Variants in MICALL2 observed in about 807,000 individuals in gnomAD.
MICALL2 encodes MICAL-like protein 2.
In MICALL2, 111 loss-of-function variants were observed where a neutral mutation model predicts 91.1. The observed-to-expected ratio is 1.22, with a 90% CI of 1.04 to 1.43. MICALL2 has a LOEUF of 1.43. Among genes scored for constraint, MICALL2 ranks in the 40% most tolerant of loss-of-function variants. The pLI is 0.00. For synonymous variants in MICALL2, 694 were observed against 525.3 expected (o/e 1.32, Z -4.39); for missense variants, 1,556 against 1,236.0 (o/e 1.26, Z -3.88).
At chr7:1,438,599 T>A in intron 10 of MICALL2, 1 of 1,420,408 alleles carries the variant, frequency 7.0e-7, no homozygotes, top group African/African-American at 1.4e-5. Flanking sequence ...CCCCAGTCCC[T>A]CAAGCTGCCA....
Position 1,438,347 on chromosome 7 carries a change from G to A in MICALL2, c.2129C>T (p.Pro710Leu), listed in dbSNP as rs139876671. ...AGCAGGGACATTGGCCGGGGACAAG[G>A]GTCTCCCTGGAGAAGGAGCAGGGTG... is the stretch of plus-strand genomic sequence containing the variant. ...KPHLQGKPGRPLSPANVPALP... is the reference protein window; with the variant it reads ...KPHLQGKPGRLLSPANVPALP... Residue 710 changes from proline to leucine, a missense_variant, in exon 11 of 17, where the codon CCC becomes CTC. Coordinates refer to ENST00000297508, the MANE Select transcript of MICALL2 (RefSeq NM_182924.4). 3.2e-5 allele frequency: 52 copies of A among 1,602,062 alleles called. No homozygotes were observed. Among genetic ancestry groups the A allele is most frequent in the Middle Eastern group, 2.0e-4 (1 of 4,936 alleles).
intron 15 of MICALL2, among the ~76,000 whole-genome samples, 161 bp from the exon 16 acceptor site, chr7:1,435,308 C>G (rs1340333312): frequency 6.6e-6 from 1 of 152,244 alleles, no homozygotes; most frequent in African/African-American, 2.4e-5. Context: ...GAACCCTGCC[C>G]CCACCAATGC....
At chr7:1,456,725 G>A (rs979207226) in intron 1 of MICALL2, among the ~76,000 whole-genome samples, 7 of 151,276 alleles carry the variant, frequency 4.6e-5, no homozygotes, top group Non-Finnish European at 8.8e-5. Context: ...GAGCTAAGAC[G>A]GTGCCACTGC....
At chr7:1,450,442 G>C (rs1722187623) in intron 1 of MICALL2, 154 bp from the exon 2 acceptor site, 1 of 675,790 alleles carries the variant, frequency 1.5e-6, no homozygotes, top group South Asian at 1.7e-5. Flanking sequence ...GGTGGGCAGA[G>C]GCCAGGGCTC....
At chr7:1,447,465 C>T (rs1298602558) in intron 4 of MICALL2, 110 bp downstream of exon 4, 6 of 667,694 alleles carry the variant, frequency 9.0e-6, no homozygotes, top group Non-Finnish European at 1.5e-5. Flanking sequence ...GGGAGCCGCA[C>T]CCCACTCTGG....
intron 3 of MICALL2, 90 bp downstream of exon 3, chr7:1,448,530 A>C: frequency 1.5e-6 from 2 of 1,308,838 alleles, no homozygotes; most frequent in Non-Finnish European, 2.2e-6. Flanking sequence ...GGGGCTGGGC[A>C]TGGACCCCAA....
chr7:1,439,229 A>G (rs1780140173), intron 9 of MICALL2: 1 of 524,042 alleles, frequency 1.9e-6, no homozygotes, highest in Non-Finnish European at 3.4e-6. Flanking sequence ...GTCACACAGG[A>G]AGTGGCACGA....
In MICALL2 at chr7:1,442,242, G is replaced by A. The variant is rs745944443; in HGVS notation, c.1661C>T (p.Pro554Leu). 1.4e-5 allele frequency: 22 copies of A among 1,612,688 alleles called. No homozygotes were observed. Among genetic ancestry groups the A allele is most frequent in the Middle Eastern group, 1.6e-4 (1 of 6,082 alleles). ...GVGRVGAGSR[P>L]KPEAPMAKGK... ...CTTTGCCATCGGGGCCTCTGGCTTC[G>A]GCCTGGAGCCAGCACCCACCCTGCC... Residue 554 changes from proline to leucine, a missense_variant, in exon 7 of 17, where the codon CCG becomes CTG. Transcript: ENST00000297508.
At chr7:1,434,803 AG>A in intron 16 of MICALL2, 131 bp from the exon 17 acceptor site, 1 of 1,005,850 alleles carries the variant, frequency 9.9e-7, no homozygotes, top group Non-Finnish European at 1.4e-6. Context: ...CCGAGCCTGC[AG>A]GAAGCCCTGT....
At chr7:1,438,760 AGCC>A in intron 10 of MICALL2, 77 bp downstream of exon 10, 1 of 1,518,792 alleles carries the variant, frequency 6.6e-7, no homozygotes, top group Non-Finnish European at 8.8e-7. Context: ...CATCCTCCAA[AGCC>A]CCAGCAGGCA....
At chr7:1,436,926 C>A in intron 14 of MICALL2, 70 bp from the exon 15 acceptor site, 2 of 1,174,238 alleles carry the variant, frequency 1.7e-6, no homozygotes, top group South Asian at 1.6e-5. Context: ...ACAATGTCCC[C>A]ACCACCCAAG....
chr7:1,459,136 C>A, intron 1 of MICALL2, 48 bp downstream of exon 1: 1 of 1,566,916 alleles, frequency 6.4e-7, no homozygotes, highest in Non-Finnish European at 8.7e-7. Context: ...CCCGTGTCAG[C>A]GCGCAGCCGA....
In MICALL2 at chr7:1,442,437, T is replaced by C. The variant is rs1774683710; in HGVS notation, c.1466A>G (p.Glu489Gly). ...GGCTAAGGGACTTGCTTGTGGTGCT[T>C]CAGTTTTGGGCTGAGAACTGGGAAC... ...AAVPSSQPKT[E>G]APQASPLAKP... Residue 489 changes from glutamate (E) to glycine (G), a missense_variant, in exon 7 of 17, where the codon GAA becomes GGA. Transcript: ENST00000297508. 6.4e-7 allele frequency: 1 copy of C among 1,560,696 alleles called. No individual in the cohort carries two copies. Among genetic ancestry groups the C allele is most frequent in the African/African-American group, 1.4e-5 (1 of 73,558 alleles).
At chr7:1,454,825 G>A (rs531149643) in intron 1 of MICALL2, among the ~76,000 whole-genome samples, 19 of 152,224 alleles carry the variant, frequency 1.2e-4, no homozygotes, top group Non-Finnish European at 2.2e-4. Context: ...GTGGTGTCTC[G>A]GGGAGCCCCG....
rs963647754 is a variant in MICALL2 at position 1,451,680 on chromosome 7, C to T, written c.144-1392G>A. Among the ~76,000 whole-genome samples the T allele has an allele frequency of 2.0e-5, 3 of 152,226 alleles. No individual in the cohort carries two copies. Among genetic ancestry groups the T allele is most frequent in the African/African-American group, 7.2e-5 (3 of 41,452 alleles). Reference sequence around the variant, plus strand: ...TCACCCCGGCCTGCATGTCTGACCCCGGCCAGCCTCGGTCTCAGGGCCTCA... The same window carrying T: ...TCACCCCGGCCTGCATGTCTGACCCTGGCCAGCCTCGGTCTCAGGGCCTCA... On this transcript the variant is annotated intron_variant, in intron 1 of 16. Coordinates refer to ENST00000297508, the MANE Select transcript of MICALL2 (RefSeq NM_182924.4). The surrounding 1 kb of genome is among the most constrained non-coding windows in gnomAD (Gnocchi z 4.5).
Position 1,447,760 on chromosome 7 carries a change from C to T in MICALL2, c.340G>A (p.Gly114Ser), listed in dbSNP as rs1449741704. ...NYFHGRSPIG[G>S]MAGVKRASED... ...GAGGCCCTCTTCACGCCTGCCATGCCCCCAACTGGAGGAATCAAGCAGGGA... is the reference window on the plus strand; with the variant it reads ...GAGGCCCTCTTCACGCCTGCCATGCTCCCAACTGGAGGAATCAAGCAGGGA... The change falls in exon 4 of 17, where the codon GGC (glycine) becomes AGC (serine). Residue 114 changes from glycine (G) to serine (S), a missense_variant. Gly to Ser is a moderately conservative substitution (Grantham distance 56, BLOSUM62 0). Transcript: ENST00000297508. The T allele has an allele frequency of 2.0e-6, 3 of 1,534,440 alleles. No homozygotes were observed. Among genetic ancestry groups the T allele is most frequent in the Non-Finnish European group, 2.6e-6 (3 of 1,138,170 alleles).
intron 7 of MICALL2, chr7:1,441,584 G>A (rs1695877242): frequency 6.3e-6 from 1 of 157,886 alleles, no homozygotes; most frequent in Non-Finnish European, 1.4e-5. Context: ...GAGCCCTCAG[G>A]TCATAGGGCA....
intron 6 of MICALL2, among the ~76,000 whole-genome samples, chr7:1,444,009 G>C (rs935244072): frequency 6.6e-6 from 1 of 151,872 alleles, no homozygotes; most frequent in Non-Finnish European, 1.5e-5. Flanking sequence ...AGCCAGCGTG[G>C]GTCCCGCTCG....
chr7:1,437,447 A>C, intron 14 of MICALL2, 88 bp downstream of exon 14: 1 of 1,190,882 alleles, frequency 8.4e-7, no homozygotes. Context: ...CAGGACAGTC[A>C]GGTGGCCTCA....
Sources: gnomAD v4.1 joint callset for allele counts (sites outside exome capture counted in the v4.1 genomes callset) on GRCh38, gnomAD v4.1.1 for gene constraint, Gnocchi (gnomAD v3.1) non-coding constraint, MANE v1.5 for transcripts, NCBI Gene and HGNC (gene_info 2026-07-23, HGNC 2026-07-21) for gene names.